AP4E1: variants seen among roughly 807,000 people sequenced by gnomAD.
AP4E1 encodes the protein adaptor related protein complex 4 subunit epsilon 1.
In AP4E1, 56 loss-of-function variants were observed where a neutral mutation model predicts 128.2. The ratio of observed to expected loss-of-function variants is 0.44; its 90% CI spans 0.35 to 0.55. The LOEUF (loss-of-function observed/expected upper bound fraction) is 0.55. Ranked by LOEUF, AP4E1 falls within the 20% of genes least tolerant of loss-of-function variation. The pLI is 0.00. For synonymous variants in AP4E1, 484 were observed against 473.1 expected, an observed-to-expected ratio of 1.02 and a Z score of -0.30; for missense variants, 1,324 against 1,307.7, an observed-to-expected ratio of 1.01 and a Z score of -0.19.
At chr15:50,939,848 G>GTCAT (rs2063959161) in intron 8 of AP4E1, among the ~76,000 whole-genome samples, 1 of 152,184 alleles carries the variant, frequency 6.6e-6, no homozygotes, top group Non-Finnish European at 1.5e-5. Context: ...TCTTAGGACT[G>GTCAT]TCATGGTAGT....
chr15:50,933,334 A>G (rs940876229), intron 7 of AP4E1, among the ~76,000 whole-genome samples: 6 of 152,184 alleles, frequency 3.9e-5, no homozygotes, highest in African/African-American at 1.4e-4. Context: ...TTATAACCGG[A>G]TTCTAAAGTA....
Position 50,922,218 on chromosome 15 carries a change from A to C in AP4E1, c.347-1713A>C, listed in dbSNP as rs768065665. ...GTGTGATGGTGCATGCCTTGGTCCC[A>C]GCTACTTGGGAGGCTGAGGTGAAGG... On this transcript the variant is annotated intron_variant, in intron 3 of 20. Coordinates refer to ENST00000261842, the MANE Select transcript of AP4E1 (RefSeq NM_007347.5). Among the ~76,000 whole-genome samples, 47 of 150,834 alleles carry C rather than the reference A, an allele frequency of 3.1e-4. No individual in the cohort carries two copies. The Middle Eastern group carries it at 0.01, about 34-fold the overall frequency.
At position 50,930,866 on chromosome 15, in the gene AP4E1, T is replaced by C; in HGVS notation, c.764T>C (p.Val255Ala). ...GSFVTILKQVVGGKLPVEFNY... is the reference protein window; with the variant it reads ...GSFVTILKQVAGGKLPVEFNY... ...TTTGTAACCATTTTGAAGCAAGTAGTTGGAGGAAAGCTCCCAGTAGAATTC... is the reference window on the plus strand; with the variant it reads ...TTTGTAACCATTTTGAAGCAAGTAGCTGGAGGAAAGCTCCCAGTAGAATTC... Residue 255 changes from valine (V) to alanine (A), a missense_variant, in exon 7 of 21, where the codon GTT becomes GCT. Val to Ala is a moderately conservative substitution (Grantham distance 64). Transcript: ENST00000261842. 1.2e-6 allele frequency: 2 copies of C among 1,614,100 alleles called. No individual in the cohort carries two copies. The highest frequency in any genetic ancestry group is 1.7e-6 in the Non-Finnish European group (2 of 1,180,006).
chr15:50,931,578 TAATA>T (rs949209473), intron 7 of AP4E1, among the ~76,000 whole-genome samples: 21 of 151,794 alleles, frequency 1.4e-4, no homozygotes, highest in African/African-American at 2.2e-4. Context: ...AAAATAATAA[TAATA>T]AATAAATAAA....
intron 14 of AP4E1, among the ~76,000 whole-genome samples, chr15:50,959,176 A>G (rs2064275887): frequency 6.6e-6 from 1 of 151,568 alleles, no homozygotes; most frequent in South Asian, 2.1e-4. Context: ...GCACCATTGC[A>G]CTCCAGCCTG....
intron 7 of AP4E1, among the ~76,000 whole-genome samples, chr15:50,932,016 G>T (rs1329368336): frequency 6.6e-6 from 1 of 151,070 alleles, no homozygotes; most frequent in Non-Finnish European, 1.5e-5. Flanking sequence ...GTCTTGCTGT[G>T]TTGCCCAGGC....
intron 10 of AP4E1, 86 bp downstream of exon 10, chr15:50,941,861 G>A: frequency 1.1e-6 from 1 of 949,664 alleles, no homozygotes. Context: ...TAAAGTGGTG[G>A]GCAGTGTGTA....
At chr15:50,959,432 A>G (rs1430252202) in intron 14 of AP4E1, among the ~76,000 whole-genome samples, 5 of 151,714 alleles carry the variant, frequency 3.3e-5, no homozygotes, top group African/African-American at 1.2e-4. Flanking sequence ...AAAGTGCTGG[A>G]AAAAAAACCC....
rs34829950 is a variant in AP4E1, at chr15:50,922,163, C to CAAA, written c.347-1749_347-1747dup. Among the ~76,000 whole-genome samples, 167 of 79,638 alleles carry CAAA rather than the reference C, an allele frequency of 2.1e-3. 2 individuals are homozygous for CAAA. Among genetic ancestry groups the CAAA allele is most frequent in the East Asian group, 0.013 (38 of 2,976 alleles). 52.2% of individuals were successfully genotyped at this position (79,638 alleles called of 152,430 possible). On this transcript the variant is annotated intron_variant, in intron 3 of 20. Transcript: ENST00000261842. ...GTAACATAGTGAGACCCTATCTCTA[C>CAAA]AAAAAAAAAAAAAAAAAAAAATTAG...
intron 3 of AP4E1, among the ~76,000 whole-genome samples, chr15:50,919,436 G>A: frequency 6.6e-6 from 1 of 151,950 alleles, no homozygotes; most frequent in South Asian, 2.1e-4. Context: ...GAAGGCTGAG[G>A]CAGGAGAATC....
intron 16 of AP4E1, among the ~76,000 whole-genome samples, chr15:50,992,167 A>G (rs1345860995): frequency 6.6e-6 from 1 of 152,142 alleles, no homozygotes; most frequent in Non-Finnish European, 1.5e-5. Flanking sequence ...TAGGAATGTC[A>G]AAAAATTAAG....
chr15:50,966,783 C>T (rs896325713), intron 14 of AP4E1, among the ~76,000 whole-genome samples: 8 of 152,180 alleles, frequency 5.3e-5, no homozygotes, highest in East Asian at 1.9e-4. Context: ...GTGATCCACC[C>T]GCCTCGGCCT....
intron 15 of AP4E1, among the ~76,000 whole-genome samples, chr15:50,977,726 T>TTTTTTTTTTTA (rs2064577453): frequency 6.7e-6 from 1 of 149,760 alleles, no homozygotes; most frequent in African/African-American, 2.5e-5. Context: ...TTTTTTTTTT[T>TTTTTTTTTTTA]AGACAGAGTC....
intron 13 of AP4E1, among the ~76,000 whole-genome samples, chr15:50,950,864 T>C (rs1471337815): frequency 6.6e-6 from 1 of 152,174 alleles, no homozygotes; most frequent in Non-Finnish European, 1.5e-5. Context: ...AGTGAGAACA[T>C]GCGGTATTTG....
intron 3 of AP4E1, among the ~76,000 whole-genome samples, chr15:50,920,075 TAAA>T (rs759743982): frequency 3.4e-5 from 3 of 88,174 alleles, no homozygotes; most frequent in African/African-American, 4.4e-5. Context: ...ATAATATGTC[TAAA>T]AAAAAAAAAA....
intron 2 of AP4E1, among the ~76,000 whole-genome samples, chr15:50,914,176 C>G (rs528109298): frequency 6.6e-6 from 1 of 152,154 alleles, no homozygotes. Context: ...GCTTTAAGCA[C>G]AAGTGACCTG....
intron 15 of AP4E1, among the ~76,000 whole-genome samples, chr15:50,982,673 TCTC>T (rs1382242447): frequency 6.6e-6 from 1 of 151,126 alleles, no homozygotes; most frequent in African/African-American, 2.4e-5. Flanking sequence ...AGAACACAGT[TCTC>T]CTGATCATTA....
chr15:50,920,699 T>C (rs750567408), intron 3 of AP4E1, among the ~76,000 whole-genome samples: 3 of 150,416 alleles, frequency 2.0e-5, no homozygotes, highest in Non-Finnish European at 3.0e-5. Flanking sequence ...CGCCCGGCCA[T>C]TTTATGCCTT....
At chr15:50,912,192 C>G (rs1360579117) in intron 2 of AP4E1, 43 bp downstream of exon 2, 5 of 1,507,874 alleles carry the variant, frequency 3.3e-6, no homozygotes, top group Non-Finnish European at 4.5e-6. Context: ...AATTTGAAAT[C>G]TAGTCACTGT....
Sources: allele counts gnomAD v4.1 joint callset (sites outside exome capture counted in the v4.1 genomes callset), GRCh38; gene constraint gnomAD v4.1.1; transcripts MANE v1.5; gene names NCBI Gene and HGNC (gene_info 2026-07-23, HGNC 2026-07-21).